Variants in DNAJC3 observed in about 807,000 individuals in gnomAD.
DNAJC3 encodes DnaJ heat shock protein family (Hsp40) member C3, also known as dnaJ homolog subfamily C member 3.
In DNAJC3, 38 loss-of-function variants were observed where a neutral mutation model predicts 68.6. The observed-to-expected ratio is 0.55, with a 90% CI of 0.43 to 0.73. The LOEUF (loss-of-function observed/expected upper bound fraction) is 0.73. DNAJC3 is among the 30% of genes least tolerant of loss of function. The pLI is 0.00. For missense variants in DNAJC3, 526 were observed against 591.9 expected, an observed-to-expected ratio of 0.89 and a Z score of 1.16; for synonymous variants, 203 against 204.0, an observed-to-expected ratio of 1.00 and a Z score of 0.04.
intron 2 of DNAJC3, 63 bp from the exon 3 acceptor site, chr13:95,723,179 G>T (rs1881393133): frequency 1.4e-6 from 2 of 1,446,418 alleles, no homozygotes; most frequent in Non-Finnish European, 1.9e-6. Flanking sequence ...CAGGTGATTT[G>T]TTTTTTTTTA....
chr13:95,692,624 A>G (rs753691515), intron 1 of DNAJC3: 1 of 152,084 alleles, frequency 6.6e-6, no homozygotes, highest in Non-Finnish European at 1.5e-5. Flanking sequence ...TCTATCCCCT[A>G]ATAGAAAATA....
At chr13:95,704,851 G>GTGTTTTTTTTTTTT in intron 1 of DNAJC3, among the ~76,000 whole-genome samples, 1 of 97,850 alleles carries the variant, frequency 1.0e-5, no homozygotes, top group Admixed American at 1.0e-4. Flanking sequence ...GTGTGTGTGT[G>GTGTTTTTTTTTTTT]TTTTTTTTTT....
At chr13:95,690,401 G>T (rs1242779440) in intron 1 of DNAJC3, among the ~76,000 whole-genome samples, 1 of 151,058 alleles carries the variant, frequency 6.6e-6, no homozygotes, top group African/African-American at 2.5e-5. Context: ...ACACAGACAC[G>T]GCAACCATCC....
chr13:95,680,337 T>C (rs1879879412), intron 1 of DNAJC3, among the ~76,000 whole-genome samples: 1 of 152,226 alleles, frequency 6.6e-6, no homozygotes, highest in South Asian at 2.1e-4. Context: ...AAAAGAATAG[T>C]TGAAAATATA....
chr13:95,756,983 A>G (rs1004782475), intron 4 of DNAJC3, among the ~76,000 whole-genome samples: 2 of 152,194 alleles, frequency 1.3e-5, no homozygotes, highest in Non-Finnish European at 2.9e-5. Context: ...TTAAAAAATC[A>G]TAGAATTGTA....
intron 1 of DNAJC3, among the ~76,000 whole-genome samples, chr13:95,686,380 C>T (rs375886088): frequency 6.6e-6 from 1 of 152,194 alleles, no homozygotes; most frequent in East Asian, 1.9e-4. Context: ...TTCTCTCATT[C>T]TGTAGTTTGT....
At chr13:95,772,792 A>G (rs1164988304) in intron 9 of DNAJC3, among the ~76,000 whole-genome samples, 3 of 152,232 alleles carry the variant, frequency 2.0e-5, no homozygotes, top group Non-Finnish European at 4.4e-5. Context: ...GGTAAATTAA[A>G]CTGACATTTC....
At chr13:95,740,698 T>A (rs1277470172) in intron 4 of DNAJC3, among the ~76,000 whole-genome samples, 3 of 152,166 alleles carry the variant, frequency 2.0e-5, no homozygotes, top group Admixed American at 6.5e-5. Context: ...CCCACTGACC[T>A]GCGCCCACTG....
chr13:95,726,540 TAAAAG>T (rs1259447828), intron 4 of DNAJC3, among the ~76,000 whole-genome samples: 1 of 152,206 alleles, frequency 6.6e-6, no homozygotes, highest in African/African-American at 2.4e-5. Flanking sequence ...AACACATTCT[TAAAAG>T]GGAATTTTGC....
At chr13:95,718,143 A>G (rs1881210775) in intron 2 of DNAJC3, among the ~76,000 whole-genome samples, 1 of 152,258 alleles carries the variant, frequency 6.6e-6, no homozygotes, top group African/African-American at 2.4e-5. Flanking sequence ...TAGTATTTCC[A>G]TATTTCCACA....
At chr13:95,706,413 A>G (rs538160074) in intron 1 of DNAJC3, among the ~76,000 whole-genome samples, 1 of 152,288 alleles carries the variant, frequency 6.6e-6, no homozygotes, top group South Asian at 2.1e-4. Flanking sequence ...CTGGTCTAGC[A>G]CCTTTAGAAT....
At chr13:95,737,914 TA>T in intron 4 of DNAJC3, among the ~76,000 whole-genome samples, 1 of 102,314 alleles carries the variant, frequency 9.8e-6, no homozygotes, top group African/African-American at 4.1e-5. Context: ...ATTGTGATGT[TA>T]GGGTGTCAAT....
At chr13:95,753,929 T>A (rs1368431779) in intron 4 of DNAJC3, among the ~76,000 whole-genome samples, 2 of 152,216 alleles carry the variant, frequency 1.3e-5, no homozygotes, top group East Asian at 3.8e-4. Context: ...CATCTAGACT[T>A]TATTTAAAAG....
intron 1 of DNAJC3, among the ~76,000 whole-genome samples, chr13:95,708,622 C>G (rs895144829): frequency 6.6e-5 from 10 of 152,104 alleles, no homozygotes; most frequent in Non-Finnish European, 1.5e-4. Flanking sequence ...AGAAGGCCTG[C>G]CCTTTACGCG....
At chr13:95,770,831 A>C (rs899669031) in intron 9 of DNAJC3, among the ~76,000 whole-genome samples, 1 of 152,196 alleles carries the variant, frequency 6.6e-6, no homozygotes, top group Admixed American at 6.5e-5. Context: ...TCTTAGATAT[A>C]AGATCTTTCC....
chr13:95,762,589 A>G (rs1255717337), intron 7 of DNAJC3, among the ~76,000 whole-genome samples: 1 of 152,094 alleles, frequency 6.6e-6, no homozygotes, highest in Non-Finnish European at 1.5e-5. Flanking sequence ...CATCTATTCC[A>G]CTTTCCCAGA....
At chr13:95,781,872 G>A (rs1486357643) in intron 9 of DNAJC3, among the ~76,000 whole-genome samples, 2 of 151,522 alleles carry the variant, frequency 1.3e-5, no homozygotes, top group Admixed American at 1.3e-4. Flanking sequence ...TGTTACATAG[G>A]TATACACATG....
At chr13:95,701,854 C>T (rs1880594119) in intron 1 of DNAJC3, among the ~76,000 whole-genome samples, 1 of 152,162 alleles carries the variant, frequency 6.6e-6, no homozygotes. Flanking sequence ...TACATTCCCC[C>T]ATTATAACAC....
At chr13:95,726,632 T>C (rs1006426263) in intron 4 of DNAJC3, among the ~76,000 whole-genome samples, 1 of 152,144 alleles carries the variant, frequency 6.6e-6, no homozygotes, top group Non-Finnish European at 1.5e-5. Context: ...TTTGTGTCAT[T>C]GAAGGGGGTA....
Sources: gnomAD v4.1 joint callset for allele counts (sites outside exome capture counted in the v4.1 genomes callset) on GRCh38, gnomAD v4.1.1 for gene constraint, MANE v1.5 for transcripts, NCBI Gene and HGNC (gene_info 2026-07-23, HGNC 2026-07-21) for gene names.